Variants in AP1B1 observed in about 807,000 individuals in gnomAD.
AP1B1 encodes the protein AP-1 complex subunit beta-1.
Under a neutral mutation model 104.3 loss-of-function variants are expected in AP1B1, and 36 were observed. The ratio of observed to expected loss-of-function variants is 0.35; its 90% CI spans 0.26 to 0.46. The LOEUF is 0.46. Ranked by LOEUF, AP1B1 falls within the 20% of genes least tolerant of loss-of-function variation. The probability of loss-of-function intolerance (pLI) is 1.00; values close to 1 mark genes in which losing one functional copy is unlikely to be tolerated. For synonymous variants in AP1B1, 504 were observed against 517.5 expected, an observed-to-expected ratio of 0.97 and a Z score of 0.35; for missense variants, 901 against 1,247.9, an observed-to-expected ratio of 0.72 and a Z score of 4.19.
At chr22:29,372,686 T>C (rs1008707344) in intron 1 of AP1B1, among the ~76,000 whole-genome samples, 2 of 152,086 alleles carry the variant, frequency 1.3e-5, no homozygotes, top group African/African-American at 4.8e-5. Flanking sequence ...AGGGTTAGGC[T>C]TAAAGGAAAA....
intron 1 of AP1B1, among the ~76,000 whole-genome samples, chr22:29,371,647 T>C (rs2062239779): frequency 6.6e-6 from 1 of 151,740 alleles, no homozygotes; most frequent in African/African-American, 2.4e-5. Flanking sequence ...AGGAGAAGCA[T>C]GAACCCAGAG....
chr22:29,334,559 G>C (rs2061609970), intron 16 of AP1B1, 149 bp from the exon 17 acceptor site: 2 of 870,800 alleles, frequency 2.3e-6, no homozygotes, highest in South Asian at 3.7e-5. Flanking sequence ...GGGATGAACA[G>C]GTGTGTACTG....
intron 1 of AP1B1, among the ~76,000 whole-genome samples, chr22:29,373,594 T>G (rs1015943357): frequency 1.3e-5 from 2 of 152,110 alleles, no homozygotes; most frequent in African/African-American, 2.4e-5. Context: ...AGCATGTCAC[T>G]TGGTGTAAAT....
intron 1 of AP1B1, among the ~76,000 whole-genome samples, chr22:29,369,735 G>T (rs1462488399): frequency 6.6e-6 from 1 of 152,194 alleles, no homozygotes; most frequent in African/African-American, 2.4e-5. Context: ...AATGAAAAGG[G>T]GCCACTGAAA....
chr22:29,375,282 A>G (rs1299232628), intron 1 of AP1B1, among the ~76,000 whole-genome samples: 4 of 133,358 alleles, frequency 3.0e-5, no homozygotes, highest in African/African-American at 5.7e-5. Context: ...CCTGGGAGGC[A>G]GAGGTTGTAG....
chr22:29,358,575 C>T, intron 5 of AP1B1, 151 bp downstream of exon 5: 1 of 1,116,378 alleles, frequency 9.0e-7, no homozygotes, highest in Non-Finnish European at 1.3e-6. Flanking sequence ...GAGAGGGTGC[C>T]TGAACCACCA....
At chr22:29,357,688 GTTT>G (rs695400) in intron 5 of AP1B1, among the ~76,000 whole-genome samples, 2 of 126,120 alleles carry the variant, frequency 1.6e-5, no homozygotes, top group Non-Finnish European at 3.2e-5. Flanking sequence ...TCAGGCAGCT[GTTT>G]TTTTTTTTTT....
chr22:29,330,259 G>C (rs765172900), intron 21 of AP1B1, 119 bp downstream of exon 21: 1 of 1,527,532 alleles, frequency 6.5e-7, no homozygotes. Flanking sequence ...GGACCAAACT[G>C]ATTCTAGTTC....
At chr22:29,345,649 C>T (rs1206183831) in intron 11 of AP1B1, among the ~76,000 whole-genome samples, 4 of 151,224 alleles carry the variant, frequency 2.6e-5, no homozygotes, top group Admixed American at 6.6e-5. Flanking sequence ...GGGTTACAGG[C>T]GTGAGCCGCT....
In AP1B1 at chr22:29,340,511, T is replaced by C. The variant is rs377306323; in HGVS notation, c.1998+145A>G. On this transcript the variant is annotated intron_variant, in intron 14 of 22. Transcript: ENST00000357586. ...GGTTTTCTCATCATAAGTAGGGAGC[T>C]ACACAATCACCTCCAAGGGTAAATG... The C allele has an allele frequency of 8.1e-5, 74 of 915,288 alleles. No homozygotes were observed. In the African/African-American group the frequency reaches 1.0e-3, roughly 12 times the overall value. 56.7% of individuals were successfully genotyped at this position (915,288 alleles called of 1,614,324 possible).
chr22:29,349,164 A>G, intron 11 of AP1B1, 54 bp downstream of exon 11: 2 of 1,594,698 alleles, frequency 1.3e-6, no homozygotes, highest in South Asian at 1.1e-5. Flanking sequence ...TATGGGCCAC[A>G]GTGGGGCTGA....
rs181867073 is a variant in AP1B1, at chr22:29,376,147, C to T, written c.-27-8877G>A. Among the ~76,000 whole-genome samples, 9 of 152,282 alleles carry T rather than the reference C, an allele frequency of 5.9e-5. No individual in the cohort carries two copies. The East Asian group carries it at 1.7e-3, about 29-fold the overall frequency. On this transcript the variant is annotated intron_variant, in intron 1 of 22. Transcript: ENST00000357586. ...GAACAAATTCAGAATGCAGCCAAGG[C>T]CAGCAAACCCCATTAGGTCTTCTGT...
intron 7 of AP1B1, among the ~76,000 whole-genome samples, chr22:29,352,805 G>A (rs2147985765): frequency 6.6e-6 from 1 of 152,254 alleles, no homozygotes; most frequent in South Asian, 2.1e-4. Flanking sequence ...AGTCCTGTGA[G>A]TACTGCTAGT....
chr22:29,362,223 A>G (rs553038886), intron 3 of AP1B1, among the ~76,000 whole-genome samples: 1 of 152,386 alleles, frequency 6.6e-6, no homozygotes, highest in South Asian at 2.1e-4. Context: ...GAGGCTGCAC[A>G]CCGGTGACAA....
chr22:29,358,605 G>T (rs2061995731), intron 5 of AP1B1, 121 bp downstream of exon 5: 1 of 1,340,186 alleles, frequency 7.5e-7, no homozygotes, highest in Non-Finnish European at 1.0e-6. Flanking sequence ...AGAACAACTG[G>T]CACCCCCAGC....
chr22:29,329,984 G>A, intron 21 of AP1B1: 1 of 1,415,828 alleles, frequency 7.1e-7, no homozygotes, highest in South Asian at 1.5e-5. Context: ...TTCTCTAACA[G>A]GTCTACCTCA....
intron 1 of AP1B1, among the ~76,000 whole-genome samples, chr22:29,369,707 T>C (rs919197368): frequency 1.3e-5 from 2 of 152,170 alleles, no homozygotes; most frequent in Admixed American, 6.5e-5. Flanking sequence ...AAGTATTCAA[T>C]TGATAGTTGT....
chr22:29,353,886 G>A (rs567170027), intron 7 of AP1B1, among the ~76,000 whole-genome samples: 2 of 152,304 alleles, frequency 1.3e-5, no homozygotes, highest in African/African-American at 2.4e-5. Flanking sequence ...AAGCTGTGAG[G>A]AGAACTCAAG....
chr22:29,366,857 C>G (rs926536644), intron 2 of AP1B1, among the ~76,000 whole-genome samples: 1 of 151,610 alleles, frequency 6.6e-6, no homozygotes, highest in African/African-American at 2.4e-5. Context: ...CACACACACA[C>G]ACACACACAC....
Sources: allele counts gnomAD v4.1 joint callset (sites outside exome capture counted in the v4.1 genomes callset), GRCh38; gene constraint gnomAD v4.1.1; transcripts MANE v1.5; gene names NCBI Gene and HGNC (gene_info 2026-07-23, HGNC 2026-07-21).